Variants in SLC35D2 observed in about 807,000 individuals in gnomAD.
SLC35D2 encodes the protein nucleotide sugar transporter SLC35D2.
In SLC35D2, 43 loss-of-function variants were observed where a neutral mutation model predicts 41.8. That is an observed-to-expected ratio of 1.03 (90% confidence interval 0.81 to 1.33). SLC35D2 has a LOEUF of 1.33. Ranked by LOEUF, SLC35D2 falls within the 40% of genes most tolerant of loss-of-function variation. The pLI, the probability that SLC35D2 is intolerant of heterozygous loss-of-function variation, is 0.00. For synonymous variants in SLC35D2, 150 were observed against 163.9 expected, an observed-to-expected ratio of 0.92 and a Z score of 0.65; for missense variants, 380 against 408.4, an observed-to-expected ratio of 0.93 and a Z score of 0.60.
intron 10 of SLC35D2, 44 bp from the exon 11 acceptor site, chr9:96,322,124 T>C (rs1489690848): frequency 1.6e-6 from 2 of 1,236,160 alleles, no homozygotes; most frequent in African/African-American, 1.5e-5. Context: ...AAGTAAACTG[T>C]TTAGGGGAAA....
intron 1 of SLC35D2, among the ~76,000 whole-genome samples, chr9:96,383,179 G>A (rs1295906571): frequency 1.3e-5 from 2 of 152,198 alleles, no homozygotes; most frequent in Non-Finnish European, 2.9e-5. Context: ...TTGAATCCCT[G>A]TTTTCAGCTC....
chr9:96,382,700 C>A (rs928137727), intron 1 of SLC35D2, among the ~76,000 whole-genome samples: 64 of 152,162 alleles, frequency 4.2e-4, no homozygotes, highest in African/African-American at 1.5e-3. Context: ...TCTCTTTGGG[C>A]TCTAAAATGT....
intron 10 of SLC35D2, among the ~76,000 whole-genome samples, chr9:96,323,843 T>C (rs1828373871): frequency 6.6e-6 from 1 of 151,846 alleles, no homozygotes; most frequent in African/African-American, 2.4e-5. Context: ...GGAGAACCGC[T>C]CGAACCAGGG....
chr9:96,347,125 G>C (rs1180961435), intron 6 of SLC35D2, among the ~76,000 whole-genome samples: 3 of 152,184 alleles, frequency 2.0e-5, no homozygotes, highest in Admixed American at 1.3e-4. Context: ...GCGAAACTCT[G>C]TCTCAAAAGG....
chr9:96,366,733 C>A (rs1830488676), intron 2 of SLC35D2, among the ~76,000 whole-genome samples: 2 of 150,728 alleles, frequency 1.3e-5, no homozygotes, highest in Admixed American at 1.3e-4. Context: ...ACCTCGGCCT[C>A]CCAAAGTGCT....
At chr9:96,356,774 C>G (rs541767215) in intron 4 of SLC35D2, among the ~76,000 whole-genome samples, 1 of 150,750 alleles carries the variant, frequency 6.6e-6, no homozygotes, top group Admixed American at 6.6e-5. Context: ...ACTTGGGAGG[C>G]TGAGGTGGGA....
At chr9:96,364,599 G>A (rs772434527) in intron 2 of SLC35D2, 49 bp from the exon 3 acceptor site, 1 of 1,063,350 alleles carries the variant, frequency 9.4e-7, no homozygotes, top group Non-Finnish European at 1.5e-6. Flanking sequence ...TGCAAAGATT[G>A]CTTGAGGTAC....
At chr9:96,355,406 C>A (rs1829980427) in intron 4 of SLC35D2, among the ~76,000 whole-genome samples, 1 of 151,804 alleles carries the variant, frequency 6.6e-6, no homozygotes, top group Non-Finnish European at 1.5e-5. Context: ...ATGGCTTGAG[C>A]ACAGGAGGTC....
At chr9:96,319,460 A>T (rs1467605989), downstream of SLC35D2, among the ~76,000 whole-genome samples, 1 of 152,062 alleles carries the variant, frequency 6.6e-6, no homozygotes, top group African/African-American at 2.4e-5. Context: ...TATACACTTA[A>T]AAATGGTTAG....
chr9:96,342,273 G>A (rs1829363956), intron 8 of SLC35D2, among the ~76,000 whole-genome samples: 1 of 151,926 alleles, frequency 6.6e-6, no homozygotes, highest in South Asian at 2.1e-4. Context: ...ACCATGCCTG[G>A]CTTATTTTTG....
chr9:96,351,275 T>C (rs1485140706), intron 5 of SLC35D2, 104 bp from the exon 6 acceptor site: 2 of 806,190 alleles, frequency 2.5e-6, no homozygotes, highest in Admixed American at 4.3e-5. Context: ...AGCATTTTTA[T>C]AGCTAAAATC....
chr9:96,339,832 AAT>A (rs1328046665), intron 8 of SLC35D2, among the ~76,000 whole-genome samples: 2 of 152,296 alleles, frequency 1.3e-5, no homozygotes, highest in African/African-American at 4.8e-5. Flanking sequence ...AGGCACTGTT[AAT>A]AGATCTATTG....
Position 96,383,414 on chromosome 9 carries a change from C to T in SLC35D2, c.158+63G>A, listed in dbSNP as rs1012349996. ...CGCCCTGTCCCGGGCGCCGCTGAAG[C>T]GCACGGAGGACAGGGGCAGCCCCGC... On this transcript the variant is annotated intron_variant, in intron 1 of 11. Transcript: ENST00000253270. 23 of 1,376,510 alleles carry T rather than the reference C, an allele frequency of 1.7e-5. No individual in the cohort carries two copies. The East Asian group carries it at 3.5e-4, about 21-fold the overall frequency. The allele number at this position is 1,376,510 out of a possible 1,614,324, so 85.3% of individuals were successfully genotyped here.
chr9:96,343,758 C>T (rs1288894354), intron 8 of SLC35D2, 146 bp downstream of exon 8: 6 of 511,180 alleles, frequency 1.2e-5, no homozygotes, highest in Non-Finnish European at 2.1e-5. Context: ...AAAGGTGTTA[C>T]TAGGGATATC....
chr9:96,375,616 T>G (rs1349984796), intron 1 of SLC35D2, among the ~76,000 whole-genome samples: 1 of 151,982 alleles, frequency 6.6e-6, no homozygotes, highest in Non-Finnish European at 1.5e-5. Flanking sequence ...GTAGTGGGAA[T>G]TATTATTGTC....
Position 96,322,279 on chromosome 9 carries a change from G to A in SLC35D2, c.832-199C>T, listed in dbSNP as rs1006426088. Among the ~76,000 whole-genome samples the A allele has an allele frequency of 3.0e-4, 45 of 152,160 alleles. 1 individual carries two copies. The highest frequency in any genetic ancestry group is 4.8e-5 in the African/African-American group (2 of 41,440). On this transcript the variant is annotated intron_variant, in intron 10 of 11. Coordinates refer to ENST00000253270, the MANE Select transcript of SLC35D2 (RefSeq NM_007001.3). ...CACGCCTGTAATCCCAATACTTTAG[G>A]AGGCCAAAGTCAAAGGATCACTTGA...
At chr9:96,334,555 T>C (rs1458961146) in intron 9 of SLC35D2, among the ~76,000 whole-genome samples, 1 of 152,084 alleles carries the variant, frequency 6.6e-6, no homozygotes, top group African/African-American at 2.4e-5. Context: ...GGAGAATCAC[T>C]TGAATGCAAG....
At chr9:96,339,389 G>A (rs1216633154) in intron 8 of SLC35D2, among the ~76,000 whole-genome samples, 1 of 152,140 alleles carries the variant, frequency 6.6e-6, no homozygotes, top group Non-Finnish European at 1.5e-5. Flanking sequence ...GATTACTGGC[G>A]TGAGCCATCG....
At chr9:96,373,108 C>T (rs927404309) in intron 1 of SLC35D2, among the ~76,000 whole-genome samples, 5 of 151,952 alleles carry the variant, frequency 3.3e-5, no homozygotes, top group Non-Finnish European at 1.5e-5. Context: ...CCATGTTGAC[C>T]AAGCTGGTCT....
Sources: gnomAD v4.1 joint callset for allele counts (sites outside exome capture counted in the v4.1 genomes callset) on GRCh38, gnomAD v4.1.1 for gene constraint, MANE v1.5 for transcripts, NCBI Gene and HGNC (gene_info 2026-07-23, HGNC 2026-07-21) for gene names.